TRAK1: variants seen among roughly 807,000 people sequenced by gnomAD.
TRAK1 encodes the protein trafficking kinesin protein 1.
Under a neutral mutation model 92.1 loss-of-function variants are expected in TRAK1, and 33 were observed. The ratio of observed to expected loss-of-function variants is 0.36; its 90% CI spans 0.27 to 0.48. TRAK1 has a LOEUF of 0.48. Ranked by LOEUF, TRAK1 falls within the 20% of genes least tolerant of loss-of-function variation. The probability of loss-of-function intolerance (pLI) is 0.99; values close to 1 mark genes in which losing one functional copy is unlikely to be tolerated. For synonymous variants in TRAK1, 521 were observed against 517.3 expected, an observed-to-expected ratio of 1.01 and a Z score of -0.10; for missense variants, 1,123 against 1,257.9, an observed-to-expected ratio of 0.89 and a Z score of 1.62.
At chr3:42,160,456 A>G in intron 2 of TRAK1, 1 of 1,614,206 alleles carries the variant, frequency 6.2e-7, no homozygotes, top group Non-Finnish European at 8.5e-7. Flanking sequence ...CATGACACCC[A>G]GGACCTCTTG....
intron 2 of TRAK1, among the ~76,000 whole-genome samples, chr3:42,175,916 C>G (rs1359238520): frequency 6.6e-6 from 1 of 152,114 alleles, no homozygotes; most frequent in South Asian, 2.1e-4. Flanking sequence ...AAATTTTGCA[C>G]GTTGGCTGGC....
chr3:42,158,635 T>C (rs1700841450), intron 2 of TRAK1, among the ~76,000 whole-genome samples: 1 of 151,464 alleles, frequency 6.6e-6, no homozygotes, highest in East Asian at 1.9e-4. Context: ...CAGCTCTAAT[T>C]TTCAAGTTCT....
At chr3:42,061,806 C>T (rs1184282974) in intron 1 of TRAK1, among the ~76,000 whole-genome samples, 1 of 152,174 alleles carries the variant, frequency 6.6e-6, no homozygotes, top group Non-Finnish European at 1.5e-5. Flanking sequence ...ATCCATCTAC[C>T]CATCTGCATG....
At chr3:42,161,368 A>T (rs1001861944) in intron 2 of TRAK1, among the ~76,000 whole-genome samples, 1 of 152,130 alleles carries the variant, frequency 6.6e-6, no homozygotes, top group South Asian at 2.1e-4. Flanking sequence ...CTGTCTTGGG[A>T]TAACTTTTTT....
chr3:42,083,149 C>G (rs1466810), upstream of TRAK1, among the ~76,000 whole-genome samples: 99,581 of 152,020 alleles, frequency 0.66, 33,006 homozygotes, highest in South Asian at 0.81. Flanking sequence ...TCCTAAATCA[C>G]TTGTGAACTT....
chr3:42,118,203 G>A (rs1340828802), intron 1 of TRAK1, among the ~76,000 whole-genome samples: 1 of 151,910 alleles, frequency 6.6e-6, no homozygotes, highest in Non-Finnish European at 1.5e-5. Context: ...TCCTGCTTCA[G>A]CCTCCCAAGT....
At chr3:42,078,329 T>C (rs1704256939) in intron 1 of TRAK1, among the ~76,000 whole-genome samples, 2 of 152,186 alleles carry the variant, frequency 1.3e-5, no homozygotes, top group Admixed American at 6.5e-5. Flanking sequence ...AAAGGGACTG[T>C]GCCGTGCAGA....
chr3:42,127,199 C>T (rs73828565), intron 2 of TRAK1, among the ~76,000 whole-genome samples: 11,939 of 152,162 alleles, frequency 0.078, 510 homozygotes, highest in Middle Eastern at 0.15. Context: ...CAAAAAAATT[C>T]ACAAGAGAAT....
Position 42,105,594 on chromosome 3 carries a change from T to A in TRAK1, c.91+14034T>A, listed in dbSNP as rs552277898. 2.6e-3 allele frequency among the ~76,000 whole-genome samples: 397 copies of A among 152,302 alleles called. 1 individual carries two copies. The highest frequency in any genetic ancestry group is 9.2e-3 in the African/African-American group (382 of 41,560). On this transcript the variant is annotated intron_variant, in intron 1 of 15. Transcript: ENST00000327628. ...AATGGAACCAAGTTGGGAAACACTC[T>A]TCAGGATATTATCCAGGAGAACTTC...
chr3:42,212,887 C>G (rs1709225650), intron 14 of TRAK1, among the ~76,000 whole-genome samples: 1 of 152,038 alleles, frequency 6.6e-6, no homozygotes, highest in Non-Finnish European at 1.5e-5. Context: ...AGGATTCAAG[C>G]CACATGGATA....
chr3:42,065,425 A>G (rs1195979521), intron 1 of TRAK1, among the ~76,000 whole-genome samples: 1 of 152,168 alleles, frequency 6.6e-6, no homozygotes, highest in Non-Finnish European at 1.5e-5. Context: ...AAATACTTCA[A>G]TGAGTATTTC....
intron 3 of TRAK1, among the ~76,000 whole-genome samples, chr3:42,183,119 A>G (rs949714358): frequency 6.6e-6 from 1 of 152,256 alleles, no homozygotes; most frequent in Admixed American, 6.5e-5. Flanking sequence ...CAGTTTAAAC[A>G]TGAAATAATA....
At chr3:42,082,814 A>AT (rs1195509963), upstream of TRAK1, among the ~76,000 whole-genome samples, 1 of 152,222 alleles carries the variant, frequency 6.6e-6, no homozygotes, top group Non-Finnish European at 1.5e-5. Flanking sequence ...GAAGGCTTGA[A>AT]TGAGGGTTCA....
At chr3:42,111,042 G>T (rs1708332371) in intron 1 of TRAK1, among the ~76,000 whole-genome samples, 1 of 152,130 alleles carries the variant, frequency 6.6e-6, no homozygotes, top group South Asian at 2.1e-4. Context: ...GGCCAAGGGG[G>T]TAACTTAGCC....
In TRAK1 at chr3:42,223,860, G is replaced by T; in HGVS notation, c.*123G>T. On this transcript the variant is annotated 3_prime_UTR_variant, in exon 16 of 16. Coordinates refer to ENST00000327628, the MANE Select transcript of TRAK1 (RefSeq NM_001042646.3). The surrounding 1 kb of genome is among the most constrained non-coding windows in gnomAD (Gnocchi z 6.1). ...CCCTTCTCTGTCCACCCCCTCCTAAGCTAGACAAATCAACCTCGTGCCTAA... is the reference window on the plus strand; with the variant it reads ...CCCTTCTCTGTCCACCCCCTCCTAATCTAGACAAATCAACCTCGTGCCTAA... 2.6e-6 allele frequency: 3 copies of T among 1,169,806 alleles called. No homozygotes were observed. The highest frequency in any genetic ancestry group is 3.6e-6 in the Non-Finnish European group (3 of 829,874). 72.5% of individuals were successfully genotyped at this position (1,169,806 alleles called of 1,614,324 possible).
intron 5 of TRAK1, among the ~76,000 whole-genome samples, chr3:42,188,513 A>G (rs142535066): frequency 1.3e-5 from 2 of 152,300 alleles, no homozygotes; most frequent in East Asian, 3.9e-4. Context: ...CTTCTCTGAG[A>G]GTCAGCAGAT....
At position 42,223,433 on chromosome 3, in the gene TRAK1, C is replaced by A; in HGVS notation, c.2558C>A (p.Ala853Asp). The A allele has an allele frequency of 6.2e-7, 1 of 1,614,112 alleles. No homozygotes were observed. The highest frequency in any genetic ancestry group is 8.5e-7 in the Non-Finnish European group (1 of 1,180,018). ...LVDKVRRFGVAKVVNSGRAHV... is the reference protein window; with the variant it reads ...LVDKVRRFGVDKVVNSGRAHV... ...GACAAAGTCAGGAGGTTTGGGGTGGCCAAAGTGGTGAACTCAGGGCGAGCC... is the reference window on the plus strand; with the variant it reads ...GACAAAGTCAGGAGGTTTGGGGTGGACAAAGTGGTGAACTCAGGGCGAGCC... The change falls in exon 16 of 16, where the codon GCC (alanine) becomes GAC (aspartate). Residue 853 changes from alanine to aspartate, a missense_variant. Physicochemically the swap from Ala to Asp is moderately radical, Grantham distance 126. This residue lies in a region of TRAK1 where 401 missense variants were observed against 438.9 expected (regional missense o/e 0.91). Transcript: ENST00000327628. The surrounding 1 kb of genome is among the most constrained non-coding windows in gnomAD (Gnocchi z 6.1).
At chr3:42,136,162 G>A (rs1697931121) in intron 2 of TRAK1, among the ~76,000 whole-genome samples, 1 of 152,114 alleles carries the variant, frequency 6.6e-6, no homozygotes, top group South Asian at 2.1e-4. Flanking sequence ...GGAAGATTCT[G>A]TGACTTCATT....
At chr3:42,049,157 A>G (rs1234059795) in intron 1 of TRAK1, among the ~76,000 whole-genome samples, 1 of 152,222 alleles carries the variant, frequency 6.6e-6, no homozygotes, top group Non-Finnish European at 1.5e-5. Context: ...GCAGGCATGA[A>G]CCACCGCACC....
Sources: allele counts gnomAD v4.1 joint callset (sites outside exome capture counted in the v4.1 genomes callset), GRCh38; gene constraint gnomAD v4.1.1; regional missense constraint gnomAD v4.1.1; non-coding constraint Gnocchi (gnomAD v3.1); transcripts MANE v1.5; gene names NCBI Gene and HGNC (gene_info 2026-07-23, HGNC 2026-07-21).